The following PPP2CB variants were observed in gnomAD, a reference collection of about 807,000 sequenced individuals.
The protein encoded by PPP2CB is protein phosphatase 2 catalytic subunit beta.
Under a neutral mutation model 39.1 loss-of-function variants are expected in PPP2CB, and 18 were observed. The ratio of observed to expected loss-of-function variants is 0.46; its 90% CI spans 0.32 to 0.68. The LOEUF is 0.68. Among genes scored for constraint, PPP2CB ranks in the 30% least tolerant of loss-of-function variants. PPP2CB has a pLI of 0.04. For missense variants in PPP2CB, 226 were observed against 396.9 expected (o/e 0.57, Z 3.66); for synonymous variants, 129 against 133.8 (o/e 0.96, Z 0.25).
chr8:30,812,218 G>C (rs1586130518), intron 1 of PPP2CB, 102 bp downstream of exon 1: 3 of 841,672 alleles, frequency 3.6e-6, no homozygotes, highest in Non-Finnish European at 4.6e-6. Flanking sequence ...CAGGCCCCCG[G>C]TGGGCCGCGC....
intron 5 of PPP2CB, among the ~76,000 whole-genome samples, chr8:30,792,394 T>C (rs1393368404): frequency 1.3e-5 from 2 of 151,608 alleles, no homozygotes; most frequent in Non-Finnish European, 2.9e-5. Context: ...TTACTTGATA[T>C]ACCAATATAC....
rs149865152 is a variant in PPP2CB, at chr8:30,794,061, C to G, written c.594G>C (p.Leu198=). The change falls in exon 5 of 7, where the codon CTG becomes CTC. Residue 198 remains leucine, a synonymous_variant. Coordinates refer to ENST00000221138, the MANE Select transcript of PPP2CB (RefSeq NM_001009552.2). The part of the protein sequence containing the change: ...EVPHEGPMCD[L]LWSDPDDRGG... ...CACGATCATCTGGATCTGACCATAA[C>G]AGATCACACATTGGGCCCTGGCCAA... 4.4e-3 allele frequency: 7,109 copies of G among 1,609,434 alleles called. 18 individuals carry two copies. Among genetic ancestry groups the G allele is most frequent in the Non-Finnish European group, 5.4e-3 (6,395 of 1,177,506 alleles).
At position 30,812,308 on chromosome 8, in the gene PPP2CB, C is replaced by T; in HGVS notation, c.102+12G>A. The T allele has an allele frequency of 6.6e-7, 1 of 1,506,680 alleles. No homozygotes were observed. The allele number at this position is 1,506,680 out of a possible 1,614,324, so 93.3% of individuals were successfully genotyped here. A position where few individuals can be genotyped will look rare whatever the true frequency, so the allele number is the denominator to read the frequency against. ...CCCCGCGCTCCCGCACTCGCCCCCG[C>T]GGCGCCCTCACCTTCTCGCACAGCG... On this transcript the variant is annotated intron_variant, in intron 1 of 6. Transcript: ENST00000221138.
intron 2 of PPP2CB, 124 bp downstream of exon 2, chr8:30,799,422 C>A (rs1249347950): frequency 1.3e-6 from 1 of 746,688 alleles, no homozygotes; most frequent in Non-Finnish European, 2.1e-6. Context: ...AGATGTAAAA[C>A]CAATTATTAT....
chr8:30,802,837 C>T (rs765135806), intron 1 of PPP2CB, among the ~76,000 whole-genome samples: 4 of 152,092 alleles, frequency 2.6e-5, no homozygotes, highest in Admixed American at 6.5e-5. Context: ...ATATATTATG[C>T]TAAAAGAGAG....
chr8:30,807,578 G>C (rs78068640), intron 1 of PPP2CB, among the ~76,000 whole-genome samples: 374 of 152,290 alleles, frequency 2.5e-3, no homozygotes, highest in African/African-American at 8.6e-3. Context: ...ATAAAGATCT[G>C]CCAGCACACA....
chr8:30,798,264 T>C (rs1806558545), intron 2 of PPP2CB, among the ~76,000 whole-genome samples: 1 of 152,224 alleles, frequency 6.6e-6, no homozygotes, highest in Non-Finnish European at 1.5e-5. Flanking sequence ...AGATTTCAAA[T>C]GTATTAATAG....
chr8:30,801,788 T>C (rs1028538551), intron 1 of PPP2CB, among the ~76,000 whole-genome samples: 5 of 152,134 alleles, frequency 3.3e-5, no homozygotes, highest in African/African-American at 1.2e-4. Flanking sequence ...CACACAATAG[T>C]TTGTACACAC....
In PPP2CB at chr8:30,785,927, C is replaced by T. The variant is rs1452377643; in HGVS notation, c.*308G>A. The stretch of plus-strand genomic sequence containing the variant: ...ACTATAACTAAAATTTCCAAATAAG[C>T]GCAAAAGGAGATGAAGCAGTTAGTT... On this transcript the variant is annotated 3_prime_UTR_variant, in exon 7 of 7. Transcript: ENST00000221138. The T allele has an allele frequency of 3.9e-6, 2 of 507,526 alleles. No homozygotes were observed. The highest frequency in any genetic ancestry group is 7.6e-6 in the Non-Finnish European group (2 of 263,494). 31.4% of individuals were successfully genotyped at this position (507,526 alleles called of 1,614,324 possible).
chr8:30,811,138 A>G (rs1289130427), intron 1 of PPP2CB, among the ~76,000 whole-genome samples: 1 of 152,230 alleles, frequency 6.6e-6, no homozygotes. Flanking sequence ...GGTTAAGAAA[A>G]CAATGGATAC....
chr8:30,785,847 T>A lies in PPP2CB; in HGVS notation c.*388A>T. ...GATAATGGATTAGTGGAAGTTAGCT[T>A]GTGAATTTTTCTTAAAAATAAAACT... is the stretch of plus-strand genomic sequence containing the variant. On this transcript the variant is annotated 3_prime_UTR_variant, in exon 7 of 7. Transcript: ENST00000221138. The A allele has an allele frequency of 3.1e-6, 1 of 321,280 alleles. No homozygotes were observed. The highest frequency in any genetic ancestry group is 6.1e-6 in the Non-Finnish European group (1 of 164,298). The allele number at this position is 321,280 out of a possible 1,614,324, so 19.9% of individuals were successfully genotyped here.
chr8:30,789,337 C>T (rs1019382153), intron 6 of PPP2CB, among the ~76,000 whole-genome samples: 4 of 152,170 alleles, frequency 2.6e-5, no homozygotes, highest in African/African-American at 7.2e-5. Flanking sequence ...ACCGTTTTTA[C>T]TTCTTTTAAT....
At chr8:30,793,796 T>C (rs1324188434) in intron 5 of PPP2CB, 121 bp downstream of exon 5, 5 of 1,187,928 alleles carry the variant, frequency 4.2e-6, no homozygotes, top group East Asian at 5.3e-5. Flanking sequence ...ACCAGCAAGT[T>C]TTTCCTCTTT....
At chr8:30,808,262 C>T (rs1282159536) in intron 1 of PPP2CB, among the ~76,000 whole-genome samples, 3 of 152,072 alleles carry the variant, frequency 2.0e-5, no homozygotes, top group Non-Finnish European at 2.9e-5. Context: ...CCATGCCCGG[C>T]TAATTTTTTG....
chr8:30,812,438 T>A lies in PPP2CB; in HGVS notation c.-17A>T. 1.3e-6 allele frequency: 2 copies of A among 1,506,942 alleles called. No homozygotes were observed. The highest frequency in any genetic ancestry group is 1.8e-6 in the Non-Finnish European group (2 of 1,124,314). The allele number at this position is 1,506,942 out of a possible 1,614,324, so 93.3% of individuals were successfully genotyped here. ...GTCGTCCATGGCGGCCCGATCCCGA[T>A]GCGGATCCCGAGCCCCAGCCCGGCC... On this transcript the variant is annotated 5_prime_UTR_variant, in exon 1 of 7. Coordinates refer to ENST00000221138, the MANE Select transcript of PPP2CB (RefSeq NM_001009552.2).
chr8:30,806,943 C>G (rs1331154240), intron 1 of PPP2CB, among the ~76,000 whole-genome samples: 3 of 152,052 alleles, frequency 2.0e-5, no homozygotes, highest in African/African-American at 7.2e-5. Context: ...ATATTTGACA[C>G]GTCATATATA....
At chr8:30,805,753 A>G (rs1224084011) in intron 1 of PPP2CB, among the ~76,000 whole-genome samples, 1 of 152,220 alleles carries the variant, frequency 6.6e-6, no homozygotes, top group Non-Finnish European at 1.5e-5. Context: ...GTCTTTGTAT[A>G]AAATATTCAC....
At chr8:30,791,966 G>A (rs1030481161) in intron 5 of PPP2CB, among the ~76,000 whole-genome samples, 4 of 151,342 alleles carry the variant, frequency 2.6e-5, no homozygotes, top group East Asian at 3.9e-4. Context: ...ATATGTATAC[G>A]TGTGTATATG....
At position 30,794,037 on chromosome 8, in the gene PPP2CB, A is replaced by G; in HGVS notation, c.618T>C (p.Arg206=). 2 of 1,612,280 alleles carry G rather than the reference A, an allele frequency of 1.2e-6. No homozygotes were observed. The highest frequency in any genetic ancestry group is 1.7e-6 in the Non-Finnish European group (2 of 1,179,042). The change falls in exon 5 of 7, where the codon CGT becomes CGC. Residue 206 remains arginine, a synonymous_variant. Transcript: ENST00000221138. ...CDLLWSDPDD[R]GGWGISPRGA... The stretch of plus-strand genomic sequence containing the variant: ...CACGTGGTGAAATACCCCATCCACC[A>G]CGATCATCTGGATCTGACCATAACA...
Sources: allele counts gnomAD v4.1 joint callset (sites outside exome capture counted in the v4.1 genomes callset), GRCh38; gene constraint gnomAD v4.1.1; transcripts MANE v1.5; gene names NCBI Gene and HGNC (gene_info 2026-07-23, HGNC 2026-07-21).